The following LRPPRC variants were observed in gnomAD, a reference collection of about 807,000 sequenced individuals.
The protein encoded by LRPPRC is leucine-rich PPR motif-containing protein, mitochondrial.
LRPPRC carries 120 observed loss-of-function variants against 180.3 expected under a neutral mutation model. That is an observed-to-expected ratio of 0.67 (90% confidence interval 0.57 to 0.77). LRPPRC has a LOEUF of 0.77. LRPPRC is among the 30% of genes least tolerant of loss of function. The pLI, the probability that LRPPRC is intolerant of heterozygous loss-of-function variation, is 0.00. For synonymous variants in LRPPRC, 723 were observed against 600.0 expected (o/e 1.21, Z -3.00); for missense variants, 2,012 against 1,657.2 (o/e 1.21, Z -3.72).
chr2:43,982,443 T>A lies in LRPPRC; in HGVS notation c.150-9A>T. On this transcript the variant is annotated splice_polypyrimidine_tract_variant and intron_variant, in intron 1 of 37. Coordinates refer to ENST00000260665, the MANE Select transcript of LRPPRC (RefSeq NM_133259.4). ...CTGGGCTCAGTAGTCCTCTAAAAAATGAAACATAATTAATAATAATCAGTT... is the reference window on the plus strand; with the variant it reads ...CTGGGCTCAGTAGTCCTCTAAAAAAAGAAACATAATTAATAATAATCAGTT... 1 of 1,597,388 alleles carries A rather than the reference T, an allele frequency of 6.3e-7. No individual in the cohort carries two copies. Among genetic ancestry groups the A allele is most frequent in the Non-Finnish European group, 8.6e-7 (1 of 1,165,054 alleles).
intron 25 of LRPPRC, among the ~76,000 whole-genome samples, chr2:43,928,240 A>G (rs1308719082): frequency 1.3e-5 from 2 of 152,222 alleles, no homozygotes; most frequent in Admixed American, 6.5e-5. Context: ...ATCCAAAGTC[A>G]AAAATAACTG....
chr2:43,948,664 A>T, intron 16 of LRPPRC, 146 bp from the exon 17 acceptor site: 4 of 670,110 alleles, frequency 6.0e-6, no homozygotes, highest in Non-Finnish European at 1.1e-5. Context: ...TGAGGCATAG[A>T]GATTATGTGG....
intron 20 of LRPPRC, among the ~76,000 whole-genome samples, chr2:43,946,941 C>T (rs1017067587): frequency 1.3e-5 from 2 of 152,102 alleles, no homozygotes; most frequent in Non-Finnish European, 2.9e-5. Flanking sequence ...ATGACTACTG[C>T]GTGTATCAGT....
chr2:43,888,928 G>C (rs1181974027), intron 37 of LRPPRC, among the ~76,000 whole-genome samples: 2 of 152,198 alleles, frequency 1.3e-5, no homozygotes. Context: ...ATGGAGGTAT[G>C]GGTATGGAAG....
At chr2:43,927,048 A>AAACCATTTC (rs1671904746) in intron 25 of LRPPRC, among the ~76,000 whole-genome samples, 1 of 152,206 alleles carries the variant, frequency 6.6e-6, no homozygotes, top group African/African-American at 2.4e-5. Context: ...AATAAAAGAC[A>AAACCATTTC]AACCATTTCA....
At chr2:43,991,699 G>A (rs6756714) in intron 1 of LRPPRC, among the ~76,000 whole-genome samples, 85,008 of 152,112 alleles carry the variant, frequency 0.56, 24,799 homozygotes, top group African/African-American at 0.6. Flanking sequence ...GATGTACTGA[G>A]ATGGGAAAAT....
intron 1 of LRPPRC, among the ~76,000 whole-genome samples, chr2:43,994,235 A>G (rs374710115): frequency 2.2e-4 from 33 of 152,388 alleles, no homozygotes; most frequent in Non-Finnish European, 3.7e-4. Context: ...TTCAAGCCCA[A>G]TAAGAAAATA....
chr2:43,944,911 G>A (rs907995095), intron 22 of LRPPRC, among the ~76,000 whole-genome samples: 4 of 151,910 alleles, frequency 2.6e-5, no homozygotes, highest in Non-Finnish European at 5.9e-5. Context: ...AAAAAGTAAG[G>A]CAAAGACTAC....
chr2:43,906,166 T>G (rs1405724800), intron 30 of LRPPRC, among the ~76,000 whole-genome samples: 1 of 152,184 alleles, frequency 6.6e-6, no homozygotes, highest in East Asian at 1.9e-4. Context: ...TGTAAAAATC[T>G]TCTTCCAGAA....
At chr2:43,897,468 T>C (rs1670725662) in intron 34 of LRPPRC, among the ~76,000 whole-genome samples, 1 of 152,188 alleles carries the variant, frequency 6.6e-6, no homozygotes, top group Admixed American at 6.5e-5. Context: ...ACGAATGGTA[T>C]AAAAAGAACT....
intron 27 of LRPPRC, among the ~76,000 whole-genome samples, chr2:43,919,612 A>G (rs17031762): frequency 0.022 from 3,310 of 152,260 alleles, 128 homozygotes; most frequent in African/African-American, 0.075. Context: ...GTCTTTACAA[A>G]TAGCAAAAAC....
intron 31 of LRPPRC, 119 bp downstream of exon 31, chr2:43,905,573 G>A (rs575846475): frequency 1.3e-6 from 1 of 775,244 alleles, no homozygotes; most frequent in East Asian, 2.5e-5. Flanking sequence ...TACCACAAAA[G>A]GCTCTTGATA....
chr2:43,900,946 C>A (rs751954125), intron 32 of LRPPRC, among the ~76,000 whole-genome samples: 1 of 151,962 alleles, frequency 6.6e-6, no homozygotes, highest in Non-Finnish European at 1.5e-5. Flanking sequence ...AATAAGCTTG[C>A]GGGGCCTTCT....
rs1674336487 is a variant in LRPPRC at position 43,982,135 on chromosome 2, T to C, written c.346+103A>G. 5.4e-6 allele frequency: 4 copies of C among 736,052 alleles called. No homozygotes were observed. In the Admixed American group the frequency reaches 1.1e-4, roughly 21 times the overall value. 45.6% of individuals were successfully genotyped at this position (736,052 alleles called of 1,614,324 possible). A position where few individuals can be genotyped will look rare whatever the true frequency, so the allele number is the denominator to read the frequency against. ...GTTGGCCAGGCTGGTCTCGAACACT[T>C]GGCCTCAAGCGATCTACCTGCCTCC... On this transcript the variant is annotated intron_variant, in intron 2 of 37. Transcript: ENST00000260665.
intron 12 of LRPPRC, among the ~76,000 whole-genome samples, chr2:43,962,253 G>A (rs965825397): frequency 1.3e-5 from 2 of 152,124 alleles, no homozygotes; most frequent in Non-Finnish European, 2.9e-5. Flanking sequence ...GAATATGTGG[G>A]AAAGTTACTT....
At chr2:43,931,851 A>G (rs1672099140) in intron 25 of LRPPRC, among the ~76,000 whole-genome samples, 1 of 152,082 alleles carries the variant, frequency 6.6e-6, no homozygotes, top group Non-Finnish European at 1.5e-5. Flanking sequence ...GGTGATTGAT[A>G]GCATTTGCAT....
intron 12 of LRPPRC, among the ~76,000 whole-genome samples, chr2:43,963,000 G>A (rs1381896395): frequency 6.6e-6 from 1 of 152,128 alleles, no homozygotes; most frequent in Non-Finnish European, 1.5e-5. Flanking sequence ...ATTTCAGGAT[G>A]GGATTAGGAG....
chr2:43,940,564 C>CA (rs201966203), intron 23 of LRPPRC, among the ~76,000 whole-genome samples: 1,554 of 151,800 alleles, frequency 0.01, 33 homozygotes, highest in African/African-American at 0.036. Flanking sequence ...CAAACCAGCA[C>CA]AAAAAAAATC....
chr2:43,936,017 A>G (rs1012376537), intron 23 of LRPPRC, among the ~76,000 whole-genome samples: 15 of 152,064 alleles, frequency 9.9e-5, no homozygotes, highest in Non-Finnish European at 2.1e-4. Flanking sequence ...CGGGAGGTGG[A>G]GGTTGCAGTG....
Sources: gnomAD v4.1 joint callset for allele counts (sites outside exome capture counted in the v4.1 genomes callset) on GRCh38, gnomAD v4.1.1 for gene constraint, MANE v1.5 for transcripts, NCBI Gene and HGNC (gene_info 2026-07-23, HGNC 2026-07-21) for gene names.